The following KRT8 variants were observed in gnomAD, a reference collection of about 807,000 sequenced individuals.
KRT8 encodes the protein keratin 8.
A neutral mutation model predicts 43.0 loss-of-function variants in KRT8; 24 were observed. The observed-to-expected ratio is 0.56, with a 90% CI of 0.40 to 0.78. The LOEUF (loss-of-function observed/expected upper bound fraction) is 0.78, where lower values mean the gene tolerates loss of function less well. KRT8 is among the 30% of genes least tolerant of loss of function. The probability of loss-of-function intolerance (pLI) is 0.00; values close to 1 mark genes in which losing one functional copy is unlikely to be tolerated. For missense variants in KRT8, 492 were observed against 638.4 expected (o/e 0.77, Z 2.47); for synonymous variants, 214 against 261.2 (o/e 0.82, Z 1.74).
chr12:52,924,740 C>G lies in KRT8; in HGVS notation c.-46-19713G>C, dbSNP rs190592891. Among the ~76,000 whole-genome samples the G allele has an allele frequency of 2.8e-4, 42 of 152,336 alleles. No homozygotes were observed. In the East Asian group the frequency reaches 3.9e-3, roughly 14 times the overall value. On this transcript the variant is annotated intron_variant, in intron 2 of 6. Coordinates refer to the KRT8 transcript ENST00000546826. ...TACTGTGATGGGAAAAGACCATGCA[C>G]TCTTCTCTAAGAATTCACCGTTCCT... is the stretch of plus-strand genomic sequence containing the variant.
At chr12:52,942,629 C>T (rs567415446) in intron 2 of KRT8, among the ~76,000 whole-genome samples, 15 of 152,250 alleles carry the variant, frequency 9.9e-5, no homozygotes, top group Non-Finnish European at 1.9e-4. Flanking sequence ...CACCCAAGGC[C>T]CAGCCCTTTC....
upstream of KRT8, chr12:52,905,176 G>A: frequency 9.7e-7 from 1 of 1,035,234 alleles, no homozygotes; most frequent in Non-Finnish European, 1.4e-6. Context: ...CCCGTCACCT[G>A]CCACCTCCGG....
intron 2 of KRT8, among the ~76,000 whole-genome samples, chr12:52,937,373 T>TAA (rs879356847): frequency 1.5e-5 from 2 of 133,780 alleles, no homozygotes; most frequent in Non-Finnish European, 3.2e-5. Flanking sequence ...ACTCGGTCTC[T>TAA]AAAAAAAAAA....
chr12:52,918,182 A>AAGAAGAAGAAGAAGAAGAAGAAGG (rs1565725562), intron 2 of KRT8, among the ~76,000 whole-genome samples: 2 of 104,478 alleles, frequency 1.9e-5, no homozygotes, highest in South Asian at 3.8e-4. Flanking sequence ...GAGGAAGAGG[A>AAGAAGAAGAAGAAGAAGAAGAAGG]AGAAGAAGAA....
At chr12:52,901,905 C>T (rs757409532) in exon 2 of KRT8, 9 of 1,611,770 alleles carry the variant, frequency 5.6e-6, no homozygotes, top group Admixed American at 3.3e-5. Flanking sequence ...TGTTGCCAAG[C>T]TCCGCCTCCA....
chr12:52,907,377 G>A (rs927633633), upstream of KRT8, among the ~76,000 whole-genome samples: 11 of 152,162 alleles, frequency 7.2e-5, no homozygotes, highest in African/African-American at 2.2e-4. Context: ...GGCAGCCCTG[G>A]AAAGGGAGGA....
chr12:52,899,101 T>C, intron 5 of KRT8: 1 of 575,294 alleles, frequency 1.7e-6, no homozygotes, highest in East Asian at 3.2e-5. Context: ...GATCACAAGG[T>C]CAGGAGATCG....
chr12:52,929,238 T>C (rs148396250), intron 2 of KRT8, among the ~76,000 whole-genome samples: 1 of 146,384 alleles, frequency 6.8e-6, no homozygotes, highest in Non-Finnish European at 1.5e-5. Flanking sequence ...CAGGCTAGAG[T>C]GCAGCGGTAT....
chr12:52,938,136 C>CTATACATATATATATATATATA (rs1555189938), intron 2 of KRT8, among the ~76,000 whole-genome samples: 8 of 44,050 alleles, frequency 1.8e-4, no homozygotes, highest in African/African-American at 6.6e-4. Flanking sequence ...CACTAGAAAG[C>CTATACATATATATATATATATA]TATATATATA....
intron 2 of KRT8, chr12:52,948,494 C>CCTT (rs1473378786): frequency 1.8e-5 from 2 of 110,956 alleles, no homozygotes; most frequent in Admixed American, 2.4e-4. Context: ...TTTCTTTTTT[C>CCTT]TTTTTTTTTT....
intron 2 of KRT8, among the ~76,000 whole-genome samples, chr12:52,921,307 GC>G (rs1941881757): frequency 6.6e-6 from 1 of 152,132 alleles, no homozygotes; most frequent in Non-Finnish European, 1.5e-5. Context: ...AGCTTAAGTA[GC>G]AACAGCAGCC....
At chr12:52,907,062 G>A, upstream of KRT8, 1 of 242,058 alleles carries the variant, frequency 4.1e-6, no homozygotes, top group Non-Finnish European at 8.3e-6. Flanking sequence ...CCCAAGAGCG[G>A]GCACAGTGAG....
rs1323357861 is a variant in KRT8, at chr12:52,939,114, TA to T, written c.-47+10341del. ...AAAAAAGTAAAATAAAAAATAAAAATAAAAAAAGGACAGACAGTACAGAGTG... is the reference window on the plus strand; with the variant it reads ...AAAAAAGTAAAATAAAAAATAAAAATAAAAAAGGACAGACAGTACAGAGTG... On this transcript the variant is annotated intron_variant, in intron 2 of 6. Transcript: ENST00000546826. Among the ~76,000 whole-genome samples, 7 of 151,730 alleles carry T rather than the reference TA, an allele frequency of 4.6e-5. No individual in the cohort carries two copies. In the South Asian group the frequency reaches 6.2e-4, roughly 14 times the overall value.
At chr12:52,904,822 A>T (rs57749775) in exon 1 of KRT8, 1 of 1,612,398 alleles carries the variant, frequency 6.2e-7, no homozygotes, top group South Asian at 1.1e-5. Context: ...GCCCCACCAT[A>T]GCCGCCGCCC....
chr12:52,918,049 A>AGAAGAG (rs1182860119), intron 2 of KRT8, among the ~76,000 whole-genome samples: 4 of 141,998 alleles, frequency 2.8e-5, no homozygotes, highest in African/African-American at 1.0e-4. Context: ...AAGAAGAAGA[A>AGAAGAG]GAGGAAGAAG....
At chr12:52,897,837 A>C (rs1418899061) in intron 7 of KRT8, among the ~76,000 whole-genome samples, 1 of 152,182 alleles carries the variant, frequency 6.6e-6, no homozygotes, top group African/African-American at 2.4e-5. Context: ...GTGACCTTGG[A>C]CATTTAGCTG....
chr12:52,911,932 G>C (rs1326892907), upstream of KRT8, among the ~76,000 whole-genome samples: 1 of 152,182 alleles, frequency 6.6e-6, no homozygotes, highest in African/African-American at 2.4e-5. Context: ...GGGAGGCTGA[G>C]GTAGGAGAAT....
At chr12:52,900,450 T>A in intron 4 of KRT8, 138 bp downstream of exon 4, 1 of 715,684 alleles carries the variant, frequency 1.4e-6, no homozygotes, top group Non-Finnish European at 2.6e-6. Flanking sequence ...CGAGCAAATA[T>A]TGGTGGCTGT....
chr12:52,940,045 C>T (rs1453900226), intron 2 of KRT8, among the ~76,000 whole-genome samples: 1 of 152,120 alleles, frequency 6.6e-6, no homozygotes, highest in East Asian at 1.9e-4. Flanking sequence ...GAATATTATG[C>T]TGCCATTAAA....
Sources: gnomAD v4.1 joint callset for allele counts (sites outside exome capture counted in the v4.1 genomes callset) on GRCh38, gnomAD v4.1.1 for gene constraint, MANE v1.5 for transcripts, NCBI Gene and HGNC (gene_info 2026-07-23, HGNC 2026-07-21) for gene names.